Variants in MTSS2 observed in about 807,000 individuals in gnomAD.
MTSS2 encodes the protein protein MTSS 2.
In MTSS2, 27 loss-of-function variants were observed where a neutral mutation model predicts 67.1. That is an observed-to-expected ratio of 0.40 (90% confidence interval 0.30 to 0.55). The LOEUF (loss-of-function observed/expected upper bound fraction) is 0.55, where lower values mean the gene tolerates loss of function less well. MTSS2 is among the 20% of genes least tolerant of loss of function. The probability of loss-of-function intolerance (pLI) is 0.43; values close to 1 mark genes in which losing one functional copy is unlikely to be tolerated. For missense variants in MTSS2, 1,171 were observed against 1,067.8 expected, an observed-to-expected ratio of 1.10 and a Z score of -1.35; for synonymous variants, 624 against 468.6, an observed-to-expected ratio of 1.33 and a Z score of -4.28.
Position 70,663,824 on chromosome 16 carries a change from C to A in MTSS2, c.2097G>T (p.Leu699=). The A allele has an allele frequency of 6.5e-7, 1 of 1,535,940 alleles. No individual in the cohort carries two copies. The highest frequency in any genetic ancestry group is 8.7e-7 in the Non-Finnish European group (1 of 1,144,018). The change falls in exon 15 of 15, where the codon CTG becomes CTT. Residue 699 remains leucine (L), a synonymous_variant. Transcript: ENST00000338779. Reference sequence around the variant, plus strand: ...GCGTCTCCTCCGTGGGGGTGGCCGACAGAGCAGTGGGGAAGGGGAACTGGC... The same window carrying A: ...GCGTCTCCTCCGTGGGGGTGGCCGAAAGAGCAGTGGGGAAGGGGAACTGGC... ...GEGQFPFPTA[L]SATPTEETPT...
At chr16:70,665,625 G>T in intron 11 of MTSS2, 85 bp from the exon 12 acceptor site, 1 of 1,211,416 alleles carries the variant, frequency 8.3e-7, no homozygotes, top group Non-Finnish European at 1.2e-6. Context: ...TTTGGTCACA[G>T]AGCTGGCATG....
rs932194075 is a variant in MTSS2 at position 70,662,614 on chromosome 16, T to G, written c.*1063A>C. On this transcript the variant is annotated 3_prime_UTR_variant, in exon 15 of 15. Transcript: ENST00000338779. ...GAGAGAACAGTAGCTTCCACCGGGC[T>G]CTGGGGGAGCCAAGTCCCTCCCTTC... is the stretch of plus-strand genomic sequence containing the variant. 6.6e-6 allele frequency: 1 copy of G among 152,548 alleles called. No individual in the cohort carries two copies. The highest frequency in any genetic ancestry group is 2.4e-5 in the African/African-American group (1 of 41,386). 9.4% of individuals were successfully genotyped at this position (152,548 alleles called of 1,614,324 possible). A position where few individuals can be genotyped will look rare whatever the true frequency, so the allele number is the denominator to read the frequency against.
intron 11 of MTSS2, among the ~76,000 whole-genome samples, chr16:70,672,659 C>T (rs991984780): frequency 1.1e-4 from 16 of 145,116 alleles, no homozygotes; most frequent in African/African-American, 4.1e-4. Context: ...AACAAAAAAC[C>T]CTCAGTGGGT....
intron 10 of MTSS2, among the ~76,000 whole-genome samples, chr16:70,675,781 C>T (rs2053098704): frequency 6.6e-6 from 1 of 152,220 alleles, no homozygotes; most frequent in African/African-American, 2.4e-5. Context: ...AACTGGATGT[C>T]TAGCATATGG....
At chr16:70,668,136 G>C (rs1407369051) in intron 11 of MTSS2, among the ~76,000 whole-genome samples, 1 of 152,046 alleles carries the variant, frequency 6.6e-6, no homozygotes, top group African/African-American at 2.4e-5. Context: ...AGTCTGGCTG[G>C]GTGCAGTGGC....
Position 70,662,219 on chromosome 16 carries a change from AG to A in MTSS2, c.*1457del, listed in dbSNP as rs1478831731. The stretch of plus-strand genomic sequence containing the variant: ...ATCAATCAATCAATCATCAAGACCA[AG>A]GTGCTCCTGACCCCCAGGTAGGACC... On this transcript the variant is annotated 3_prime_UTR_variant, in exon 15 of 15. Coordinates refer to ENST00000338779, the MANE Select transcript of MTSS2 (RefSeq NM_138383.3). 6.6e-6 allele frequency: 1 copy of A among 152,112 alleles called. No homozygotes were observed. The highest frequency in any genetic ancestry group is 1.5e-5 in the Non-Finnish European group (1 of 68,084). 9.4% of individuals were successfully genotyped at this position (152,112 alleles called of 1,614,324 possible).
At position 70,680,801 on chromosome 16, in the gene MTSS2, G is replaced by A. The variant is rs1168993121; in HGVS notation, c.198C>T (p.Asn66=). ...AFQKVADMAT[N]TRGATRDIGS... ...AGCCACGCGCCTCCCCACCTCGGGT[G>A]TTGGTAGCCATGTCAGCCACTTTCT... Residue 66 remains asparagine, a synonymous_variant, in exon 3 of 15, where the codon AAC becomes AAT. Transcript: ENST00000338779. The A allele has an allele frequency of 1.3e-6, 2 of 1,552,972 alleles. No individual in the cohort carries two copies. The highest frequency in any genetic ancestry group is 4.9e-5 in the East Asian group (2 of 41,090).
intron 8 of MTSS2, 23 bp downstream of exon 8, chr16:70,678,229 G>T: frequency 6.3e-7 from 1 of 1,593,086 alleles, no homozygotes; most frequent in Non-Finnish European, 8.5e-7. Context: ...CCCCTCTGGG[G>T]TCTGAGTCCC....
rs571560426 is a variant in MTSS2 at position 70,665,813 on chromosome 16, G to A, written c.1054-273C>T. The A allele has an allele frequency of 2.0e-4, 66 of 330,300 alleles. 1 individual carries two copies. In the South Asian group the frequency reaches 3.8e-3, roughly 19 times the overall value. 20.5% of individuals were successfully genotyped at this position (330,300 alleles called of 1,614,324 possible). A position where few individuals can be genotyped will look rare whatever the true frequency, so the allele number is the denominator to read the frequency against. On this transcript the variant is annotated intron_variant, in intron 11 of 14. Transcript: ENST00000338779. ...ACTGACCACAGGACTCACTGCTGAC[G>A]GCCTGGATATGGCCACCGAGGGGAA...
intron 3 of MTSS2, among the ~76,000 whole-genome samples, 193 bp downstream of exon 3, chr16:70,680,601 A>C (rs954867128): frequency 6.6e-6 from 1 of 151,694 alleles, no homozygotes; most frequent in African/African-American, 2.4e-5. Context: ...GTCACTACTT[A>C]CCCACTCCTG....
Position 70,661,611 on chromosome 16 carries a change from G to A in MTSS2, c.*2066C>T, listed in dbSNP as rs907005368. On this transcript the variant is annotated 3_prime_UTR_variant, in exon 15 of 15. Transcript: ENST00000338779. ...CGGATCCCGAGGTGGGTGGGCCTAT[G>A]AGGTGGTTGCTAAGTCGACGCAAGG... The A allele has an allele frequency of 2.9e-6, 1 of 348,726 alleles. No homozygotes were observed. The highest frequency in any genetic ancestry group is 5.6e-6 in the Non-Finnish European group (1 of 178,956). 21.6% of individuals were successfully genotyped at this position (348,726 alleles called of 1,614,324 possible). A position where few individuals can be genotyped will look rare whatever the true frequency, so the allele number is the denominator to read the frequency against.
chr16:70,664,413 G>C lies in MTSS2; in HGVS notation c.1508C>G (p.Ala503Gly). 1 of 1,550,240 alleles carries C rather than the reference G, an allele frequency of 6.5e-7. No individual in the cohort carries two copies. ...AAACTCGGGCGGGCCCTCGCTGTCC[G>C]CATCCCCATTCACGGAGTAGCAGTC... Reference protein sequence around the residue: ...DYDCYSVNGDADSEGPPEFDK... With the variant: ...DYDCYSVNGDGDSEGPPEFDK... Residue 503 changes from alanine to glycine, a missense_variant, in exon 15 of 15, where the codon GCG becomes GGG. This residue lies in a region of MTSS2 where 924 missense variants were observed against 756.0 expected (regional missense o/e 1.22). Transcript: ENST00000338779.
intron 11 of MTSS2, 75 bp downstream of exon 11, chr16:70,674,213 TCAACAGCTATAGTAGTCC>T (rs1394110260): frequency 4.0e-6 from 3 of 741,566 alleles, no homozygotes; most frequent in African/African-American, 5.9e-5. Context: ...TATAGTAGTC[TCAACAGCTATAGTAGTCC>T]CGCATGTGGC....
At chr16:70,678,441 G>T in intron 7 of MTSS2, 32 bp from the exon 8 acceptor site, 1 of 1,587,834 alleles carries the variant, frequency 6.3e-7, no homozygotes. Context: ...GCCTTGCTGG[G>T]GATGCCAGCC....
Position 70,672,691 on chromosome 16 carries a change from A to G in MTSS2, c.1053+1615T>C, listed in dbSNP as rs540079103. Reference sequence around the variant, plus strand: ...GGGTAGGTTAAATAGCAAAAAAAAAAAAAAAGAAAAAGTCGATTGTAAGAT... The same window carrying G: ...GGGTAGGTTAAATAGCAAAAAAAAAGAAAAAGAAAAAGTCGATTGTAAGAT... On this transcript the variant is annotated intron_variant, in intron 11 of 14. Transcript: ENST00000338779. Among the ~76,000 whole-genome samples, 7 of 151,846 alleles carry G rather than the reference A, an allele frequency of 4.6e-5. No individual in the cohort carries two copies. In the East Asian group the frequency reaches 1.2e-3, roughly 25 times the overall value.
rs765061370 is a variant in MTSS2 at position 70,685,753 on chromosome 16, C to T, written c.39G>A (p.Gly13=). Residue 13 remains glycine (G), a synonymous_variant, in exon 1 of 15, where the codon GGG becomes GGA. Coordinates refer to ENST00000338779, the MANE Select transcript of MTSS2 (RefSeq NM_138383.3). Reference sequence around the variant, plus strand: ...TGTCGTTGACTATGGCCTGGAAGAGCCCGCCCAGGGCGCCGCACTCCTTCT... The same window carrying T: ...TGTCGTTGACTATGGCCTGGAAGAGTCCGCCCAGGGCGCCGCACTCCTTCT... ...TAEKECGALG[G]LFQAIVNDMK... The T allele has an allele frequency of 1.4e-6, 2 of 1,395,868 alleles. No homozygotes were observed. The highest frequency in any genetic ancestry group is 3.7e-5 in the East Asian group (1 of 26,852). The allele number at this position is 1,395,868 out of a possible 1,614,324, so 86.5% of individuals were successfully genotyped here.
chr16:70,678,681 G>T (rs1393632366), intron 7 of MTSS2, among the ~76,000 whole-genome samples: 3 of 152,240 alleles, frequency 2.0e-5, no homozygotes. Context: ...GGCTCTTGGC[G>T]CCCAGGAGCT....
chr16:70,680,645 C>T, intron 3 of MTSS2, 149 bp downstream of exon 3: 1 of 689,742 alleles, frequency 1.4e-6, no homozygotes, highest in South Asian at 1.8e-5. Context: ...GGCTCACTCT[C>T]TCCACAACCA....
In MTSS2 at chr16:70,664,160, C is replaced by T. The variant is rs747592090; in HGVS notation, c.1761G>A (p.Arg587=). The change falls in exon 15 of 15, where the codon CGG becomes CGA. Residue 587 remains arginine (R), a synonymous_variant. Transcript: ENST00000338779. ...ALSSAGPIPI[R]PPIVPVKTPT... ...GCGTCTTCACAGGGACGATGGGCGGCCGGATGGGGATGGGGCCAGCGCTGG... is the reference window on the plus strand; with the variant it reads ...GCGTCTTCACAGGGACGATGGGCGGTCGGATGGGGATGGGGCCAGCGCTGG... 2 of 1,606,748 alleles carry T rather than the reference C, an allele frequency of 1.2e-6. No individual in the cohort carries two copies. Among genetic ancestry groups the T allele is most frequent in the Non-Finnish European group, 1.7e-6 (2 of 1,179,498 alleles).
Sources: gnomAD v4.1 joint callset for allele counts (sites outside exome capture counted in the v4.1 genomes callset) on GRCh38, gnomAD v4.1.1 for gene constraint, gnomAD v4.1.1 regional missense constraint, MANE v1.5 for transcripts, NCBI Gene and HGNC (gene_info 2026-07-23, HGNC 2026-07-21) for gene names.